Variants in DMBT1 observed in about 807,000 individuals in gnomAD.
The protein encoded by DMBT1 is deleted in malignant brain tumors 1.
Under a neutral mutation model 252.9 loss-of-function variants are expected in DMBT1, and 198 were observed. That is an observed-to-expected ratio of 0.78 (90% CI 0.70 to 0.88). The LOEUF (loss-of-function observed/expected upper bound fraction) is 0.88, where lower values mean the gene tolerates loss of function less well. Ranked by LOEUF, DMBT1 falls within the 40% of genes least tolerant of loss-of-function variation. The pLI is 0.00. For missense variants in DMBT1, 2,432 were observed against 2,404.7 expected (o/e 1.01, Z -0.24); for synonymous variants, 990 against 942.7 (o/e 1.05, Z -0.92).
intron 3 of DMBT1, 61 bp from the exon 4 acceptor site, chr10:122,570,829 G>T: frequency 1.3e-6 from 2 of 1,582,536 alleles, no homozygotes; most frequent in Non-Finnish European, 1.7e-6. Context: ...ACGAAGCCAT[G>T]GACCAACCCT....
intron 52 of DMBT1, among the ~76,000 whole-genome samples, chr10:122,634,490 TTTTC>T (rs1566010443): frequency 3.1e-5 from 4 of 130,958 alleles, no homozygotes; most frequent in African/African-American, 5.9e-5. Context: ...CTTTCTCTCT[TTTTC>T]TTTCTTTCTT....
chr10:122,633,958 A>AC (rs763031096), intron 52 of DMBT1, among the ~76,000 whole-genome samples: 60 of 151,648 alleles, frequency 4.0e-4, no homozygotes, highest in African/African-American at 1.1e-3. Context: ...ATATAGGGAG[A>AC]CCCCCCATCT....
intron 9 of DMBT1, among the ~76,000 whole-genome samples, chr10:122,579,141 G>T (rs954010959): frequency 3.3e-5 from 5 of 152,098 alleles, no homozygotes; most frequent in Non-Finnish European, 7.3e-5. Flanking sequence ...GGTCAGAAAA[G>T]ATCCTTATCT....
Position 122,621,355 on chromosome 10 carries a change from C to T in DMBT1, c.5583C>T (p.His1861=), listed in dbSNP as rs200490714. 114,476 of 1,613,706 alleles carry T rather than the reference C, an allele frequency of 0.071. 4,638 individuals carry two copies. Among genetic ancestry groups the T allele is most frequent in the South Asian group, 0.13 (11,919 of 91,058 alleles). ...KGWLTHNCGH[H]EDAGVICSAT... ...GGCTCACCCACAACTGTGGCCATCA[C>T]GAAGACGCTGGTGTCATCTGCTCAG... Residue 1861 remains histidine, a synonymous_variant, in exon 44 of 56, where the codon CAC becomes CAT. Coordinates refer to ENST00000338354, the MANE Select transcript of DMBT1 (RefSeq NM_001377530.1).
intron 53 of DMBT1, 55 bp from the exon 54 acceptor site, chr10:122,637,073 G>C: frequency 6.5e-7 from 1 of 1,543,470 alleles, no homozygotes; most frequent in South Asian, 1.2e-5. Flanking sequence ...TGGCCCCGTA[G>C]GACTTGTGGA....
At chr10:122,593,461 C>T (rs554413030) in intron 20 of DMBT1, 108 bp from the exon 21 acceptor site, 2 of 1,261,482 alleles carry the variant, frequency 1.6e-6, no homozygotes, top group Non-Finnish European at 2.3e-6. Context: ...GTGATAGGAA[C>T]TAGGATGGAC....
At position 122,617,268 on chromosome 10, in the gene DMBT1, A is replaced by G. The variant is rs769303326; in HGVS notation, c.4891+8A>G. ...CTCGTGCATCAACAGCAGGTAAACA[A>G]TCCTCTCACCCCTCCCTAGGGCTCA... On this transcript the variant is annotated splice_region_variant and intron_variant, in intron 40 of 55. Coordinates refer to ENST00000338354, the MANE Select transcript of DMBT1 (RefSeq NM_001377530.1). 7 of 1,608,900 alleles carry G rather than the reference A, an allele frequency of 4.4e-6. 1 individual carries two copies. In the Admixed American group the frequency reaches 8.4e-5, roughly 19 times the overall value.
At chr10:122,599,499 G>T (rs1160274611) in intron 26 of DMBT1, among the ~76,000 whole-genome samples, 3 of 152,216 alleles carry the variant, frequency 2.0e-5, no homozygotes, top group African/African-American at 4.8e-5. Flanking sequence ...CTGAAAGTGG[G>T]TTCTCAGCTG....
chr10:122,600,730 A>T (rs959001754), intron 27 of DMBT1, among the ~76,000 whole-genome samples: 2 of 152,136 alleles, frequency 1.3e-5, no homozygotes, highest in Admixed American at 6.5e-5. Flanking sequence ...CAGATGTGGG[A>T]TGGCATGGTG....
intron 4 of DMBT1, 39 bp from the exon 5 acceptor site, chr10:122,572,275 G>A: frequency 6.2e-7 from 1 of 1,611,988 alleles, no homozygotes; most frequent in Non-Finnish European, 8.5e-7. Flanking sequence ...TTCAAGCAAG[G>A]GCTACCATCA....
chr10:122,599,223 T>C lies in DMBT1; in HGVS notation c.3280+126T>C, dbSNP rs893462885. On this transcript the variant is annotated intron_variant, in intron 26 of 55. Transcript: ENST00000338354. ...GTTTTCTATATTTCTGAAGACTTGT[T>C]AGCTCTCTGCTAAGAATCCCTATGT... 12 of 1,515,520 alleles carry C rather than the reference T, an allele frequency of 7.9e-6. 1 individual carries two copies. Among genetic ancestry groups the C allele is most frequent in the Non-Finnish European group, 1.1e-5 (12 of 1,129,954 alleles). The allele number at this position is 1,515,520 out of a possible 1,614,324, so 93.9% of individuals were successfully genotyped here.
intron 49 of DMBT1, 117 bp downstream of exon 49, chr10:122,631,398 G>A (rs534409994): frequency 2.4e-4 from 312 of 1,317,180 alleles, no homozygotes; most frequent in African/African-American, 1.5e-3. Flanking sequence ...TTGTGTCCTC[G>A]TGGCCTGCGC....
chr10:122,620,382 C>A, intron 43 of DMBT1, 91 bp downstream of exon 43: 7 of 1,475,884 alleles, frequency 4.7e-6, no homozygotes, highest in East Asian at 2.3e-5. Context: ...CTCAAGCTGG[C>A]GCCTCTGTTT....
chr10:122,627,101 GA>G (rs1038913941), intron 46 of DMBT1, among the ~76,000 whole-genome samples: 1 of 152,270 alleles, frequency 6.6e-6, no homozygotes, highest in Non-Finnish European at 1.5e-5. Context: ...TTTTAATCTT[GA>G]GAATTAGCTA....
Position 122,570,150 on chromosome 10 carries a change from T to G in DMBT1, c.92-12T>G, listed in dbSNP as rs372028198. ...GCTACCATCAATGAGCTCTTCCTTTTCCACCTCGCAGCTTCACTGATTCCC... is the reference window on the plus strand; with the variant it reads ...GCTACCATCAATGAGCTCTTCCTTTGCCACCTCGCAGCTTCACTGATTCCC... On this transcript the variant is annotated splice_polypyrimidine_tract_variant and intron_variant, in intron 2 of 55. Transcript: ENST00000338354. 61 of 1,590,422 alleles carry G rather than the reference T, an allele frequency of 3.8e-5. No individual in the cohort carries two copies. The highest frequency in any genetic ancestry group is 4.7e-5 in the Non-Finnish European group (55 of 1,158,770).
At chr10:122,592,967 A>G (rs2097861856) in intron 20 of DMBT1, among the ~76,000 whole-genome samples, 1 of 148,716 alleles carries the variant, frequency 6.7e-6, no homozygotes, top group Admixed American at 6.7e-5. Context: ...CCTCTCACTG[A>G]GAGGAACTCT....
chr10:122,598,046 C>G (rs1212117331), intron 25 of DMBT1, 34 bp downstream of exon 25: 2 of 1,613,530 alleles, frequency 1.2e-6, no homozygotes, highest in South Asian at 2.2e-5. Context: ...CTAGGGCTCA[C>G]TCTCTACCTC....
intron 46 of DMBT1, among the ~76,000 whole-genome samples, chr10:122,628,647 A>G (rs944129470): frequency 6.6e-6 from 1 of 152,214 alleles, no homozygotes; most frequent in African/African-American, 2.4e-5. Context: ...AAAACAAAAC[A>G]AAAGAAAAAA....
intron 10 of DMBT1, 91 bp downstream of exon 10, chr10:122,579,992 C>T: frequency 6.3e-7 from 1 of 1,586,308 alleles, no homozygotes; most frequent in South Asian, 1.2e-5. Context: ...TCACTCAAAG[C>T]TTCTATGTTT....
Sources: allele counts gnomAD v4.1 joint callset (sites outside exome capture counted in the v4.1 genomes callset), GRCh38; gene constraint gnomAD v4.1.1; transcripts MANE v1.5; gene names NCBI Gene and HGNC (gene_info 2026-07-23, HGNC 2026-07-21).